The following STARD4 variants were observed in gnomAD, a reference collection of about 807,000 sequenced individuals.
The protein encoded by STARD4 is StAR related lipid transfer domain containing 4.
A neutral mutation model predicts 24.9 loss-of-function variants in STARD4; 33 were observed. The observed-to-expected ratio is 1.32, with a 90% confidence interval of 1.00 to 1.77. The LOEUF (loss-of-function observed/expected upper bound fraction) is 1.77, where lower values mean the gene tolerates loss of function less well. Ranked by LOEUF, STARD4 falls within the 40% of genes most tolerant of loss-of-function variation. The pLI is 0.00. For missense variants in STARD4, 238 were observed against 249.3 expected, an observed-to-expected ratio of 0.95 and a Z score of 0.31; for synonymous variants, 88 against 77.4, an observed-to-expected ratio of 1.14 and a Z score of -0.72.
At chr5:111,506,918 G>A (rs1394583583) in intron 2 of STARD4, among the ~76,000 whole-genome samples, 1 of 152,142 alleles carries the variant, frequency 6.6e-6, no homozygotes. Context: ...AGTCACCTAT[G>A]TAATAGTTTG....
chr5:111,500,915 T>C, intron 5 of STARD4, 87 bp downstream of exon 5: 2 of 1,608,238 alleles, frequency 1.2e-6, no homozygotes, highest in Non-Finnish European at 1.7e-6. Context: ...GTTGAAAATA[T>C]ATCTCACAAG....
chr5:111,505,243 C>A (rs574555441), intron 3 of STARD4, among the ~76,000 whole-genome samples: 24 of 152,330 alleles, frequency 1.6e-4, no homozygotes, highest in African/African-American at 5.8e-4. Context: ...ATTTTCAACC[C>A]TCACTGGGAA....
intron 5 of STARD4, 87 bp downstream of exon 5, chr5:111,500,915 T>A (rs1317968544): frequency 1.2e-6 from 2 of 1,608,120 alleles, no homozygotes; most frequent in Non-Finnish European, 1.7e-6. Flanking sequence ...GTTGAAAATA[T>A]ATCTCACAAG....
chr5:111,504,206 T>C (rs1298985344), intron 3 of STARD4, among the ~76,000 whole-genome samples: 1 of 152,186 alleles, frequency 6.6e-6, no homozygotes, highest in Non-Finnish European at 1.5e-5. Context: ...CAAAGAGATA[T>C]ATACCAAGAG....
chr5:111,499,876 A>ACTT lies in STARD4; in HGVS notation c.*9_*10insAAG. On this transcript the variant is annotated 3_prime_UTR_variant, in exon 6 of 6. Coordinates refer to ENST00000296632, the MANE Select transcript of STARD4 (RefSeq NM_139164.3). ...TCTGTAGTACTACAAGTTTGAATGT[A>ACTT]TTTTGCCTCTCATAAAGCTTTTCGT... 6.2e-7 allele frequency: 1 copy of ACTT among 1,611,716 alleles called. No homozygotes were observed. Among genetic ancestry groups the ACTT allele is most frequent in the Non-Finnish European group, 8.5e-7 (1 of 1,177,920 alleles).
chr5:111,511,963 C>T (rs1467023633), intron 1 of STARD4, among the ~76,000 whole-genome samples: 1 of 152,226 alleles, frequency 6.6e-6, no homozygotes, highest in Non-Finnish European at 1.5e-5. Flanking sequence ...TGGGACGCGG[C>T]TGCCCCTGCG....
At chr5:111,500,227 A>C (rs1163136449) in intron 5 of STARD4, 121 bp from the exon 6 acceptor site, 5 of 1,380,490 alleles carry the variant, frequency 3.6e-6, no homozygotes, top group Non-Finnish European at 4.7e-6. Context: ...ATGAAAATTA[A>C]ATCCCAAAGT....
Position 111,499,666 on chromosome 5 carries a change from GA to G in STARD4, c.*219del, listed in dbSNP as rs1342020550. 3 of 535,938 alleles carry G rather than the reference GA, an allele frequency of 5.6e-6. No homozygotes were observed. The African/African-American group carries it at 5.7e-5, about 10-fold the overall frequency. 33.2% of individuals were successfully genotyped at this position (535,938 alleles called of 1,614,324 possible). On this transcript the variant is annotated 3_prime_UTR_variant, in exon 6 of 6. Transcript: ENST00000296632. Reference sequence around the variant, plus strand: ...CCACTGCCCTCCAGCATGGGCAACAGAGTGAGAGCCTGTCTCAAAATTTAAA... The same window carrying G: ...CCACTGCCCTCCAGCATGGGCAACAGGTGAGAGCCTGTCTCAAAATTTAAA...
chr5:111,499,816 A>G lies in STARD4; in HGVS notation c.*70T>C, dbSNP rs755717274. The G allele has an allele frequency of 3.6e-6, 5 of 1,401,358 alleles. No individual in the cohort carries two copies. Among genetic ancestry groups the G allele is most frequent in the South Asian group, 2.5e-5 (2 of 78,588 alleles). The allele number at this position is 1,401,358 out of a possible 1,614,324, so 86.8% of individuals were successfully genotyped here. A position where few individuals can be genotyped will look rare whatever the true frequency, so the allele number is the denominator to read the frequency against. ...CCGGCTATGCAGAAAAGTGGAATCA[A>G]TGATTTTTACAGGCCATGTAGCTGA... On this transcript the variant is annotated 3_prime_UTR_variant, in exon 6 of 6. Coordinates refer to ENST00000296632, the MANE Select transcript of STARD4 (RefSeq NM_139164.3).
Position 111,500,077 on chromosome 5 carries a change from G to A in STARD4, c.427C>T (p.Pro143Ser), listed in dbSNP as rs377103774. The A allele has an allele frequency of 7.4e-6, 12 of 1,613,120 alleles. No homozygotes were observed. The highest frequency in any genetic ancestry group is 1.0e-5 in the Non-Finnish European group (12 of 1,179,420). ...GISLDWDEKR[P>S]EFVRGYNHPC... ...TGGTTATATCCTCGAACAAATTCTG[G>A]TCTCTTTTCATCCCAGTCAAGACTT... The change falls in exon 6 of 6, where the codon CCA (proline) becomes TCA (serine). Residue 143 changes from proline (P) to serine (S), a missense_variant. Coordinates refer to ENST00000296632, the MANE Select transcript of STARD4 (RefSeq NM_139164.3).
chr5:111,507,124 T>C lies in STARD4; in HGVS notation c.105+205A>G, dbSNP rs1204656860. 6.6e-6 allele frequency among the ~76,000 whole-genome samples: 1 copy of C among 152,200 alleles called. No homozygotes were observed. The highest frequency in any genetic ancestry group is 2.4e-5 in the African/African-American group (1 of 41,452). ...TTCTCTTGTCTAATATCCAAAGAGC[T>C]AATGAAAGCAGTATAGGATTACCAC... On this transcript the variant is annotated intron_variant, in intron 2 of 5. Transcript: ENST00000296632. The surrounding 1 kb of genome is among the most constrained non-coding windows in gnomAD (Gnocchi z 4.4).
chr5:111,496,319 GT>G lies in STARD4; in HGVS notation c.*3566del. The G allele has an allele frequency of 6.6e-6, 1 of 151,952 alleles. No individual in the cohort carries two copies. Among genetic ancestry groups the G allele is most frequent in the Admixed American group, 6.6e-5 (1 of 15,244 alleles). 9.4% of individuals were successfully genotyped at this position (151,952 alleles called of 1,614,324 possible). On this transcript the variant is annotated 3_prime_UTR_variant, in exon 6 of 6. Coordinates refer to ENST00000296632, the MANE Select transcript of STARD4 (RefSeq NM_139164.3). Reference sequence around the variant, plus strand: ...TCCTGTTTTTTGAAATTATTCTGATGTTTCTTCTACACTCAAGTCCCAACCT... The same window carrying G: ...TCCTGTTTTTTGAAATTATTCTGATGTTCTTCTACACTCAAGTCCCAACCT...
intron 3 of STARD4, among the ~76,000 whole-genome samples, chr5:111,504,355 A>C (rs976630641): frequency 2.6e-5 from 4 of 152,248 alleles, no homozygotes; most frequent in African/African-American, 9.6e-5. Flanking sequence ...ATATGACAAC[A>C]TGGCTAAATC....
chr5:111,506,259 C>A, intron 3 of STARD4, 71 bp downstream of exon 3: 7 of 463,416 alleles, frequency 1.5e-5, no homozygotes, highest in Non-Finnish European at 1.5e-5. Context: ...CTAGCAATGA[C>A]TACTTAGTGA....
chr5:111,500,183 ATTC>A lies in STARD4; in HGVS notation c.398-80_398-78del. On this transcript the variant is annotated intron_variant, in intron 5 of 5. Transcript: ENST00000296632. ...ACTCTCATTTTAAAATATTACCAGA[ATTC>A]TTATTTAAATATTTATTATTATCCA... is the stretch of plus-strand genomic sequence containing the variant. 3 of 1,412,782 alleles carry A rather than the reference ATTC, an allele frequency of 2.1e-6. No homozygotes were observed. The Admixed American group carries it at 8.5e-5, about 40-fold the overall frequency. The allele number at this position is 1,412,782 out of a possible 1,614,324, so 87.5% of individuals were successfully genotyped here. A position where few individuals can be genotyped will look rare whatever the true frequency, so the allele number is the denominator to read the frequency against.
In STARD4 at chr5:111,499,696, A is replaced by G. The variant is rs1561533209; in HGVS notation, c.*190T>C. On this transcript the variant is annotated 3_prime_UTR_variant, in exon 6 of 6. Coordinates refer to ENST00000296632, the MANE Select transcript of STARD4 (RefSeq NM_139164.3). ...AGAGCCTGTCTCAAAATTTAAAAAA[A>G]AAAAAGTGAAAATGCCCTCTCTTAG... is the stretch of plus-strand genomic sequence containing the variant. The G allele has an allele frequency of 1.7e-6, 1 of 594,770 alleles. No homozygotes were observed. The highest frequency in any genetic ancestry group is 2.9e-6 in the Non-Finnish European group (1 of 343,480). 36.8% of individuals were successfully genotyped at this position (594,770 alleles called of 1,614,324 possible).
rs542788609 is a variant in STARD4, at chr5:111,501,886, C to T, written c.282+76G>A. The T allele has an allele frequency of 2.7e-5, 43 of 1,574,050 alleles. No homozygotes were observed. In the South Asian group the frequency reaches 3.6e-4, roughly 13 times the overall value. ...ATATAAGTGTGTACAAATGCTCATG[C>T]TCACATGCTCTGGCTCACTCATGCC... On this transcript the variant is annotated intron_variant, in intron 4 of 5. Transcript: ENST00000296632.
At chr5:111,501,220 G>T in intron 4 of STARD4, 104 bp from the exon 5 acceptor site, 1 of 1,188,348 alleles carries the variant, frequency 8.4e-7, no homozygotes, top group Non-Finnish European at 1.1e-6. Flanking sequence ...TATTTAAAAT[G>T]TTTCATAATT....
At chr5:111,509,428 G>A (rs1757088746) in intron 1 of STARD4, among the ~76,000 whole-genome samples, 1 of 152,042 alleles carries the variant, frequency 6.6e-6, no homozygotes, top group South Asian at 2.1e-4. Flanking sequence ...CAACTTTAAG[G>A]TACTTGACTT....
Sources: gnomAD v4.1 joint callset for allele counts (sites outside exome capture counted in the v4.1 genomes callset) on GRCh38, gnomAD v4.1.1 for gene constraint, Gnocchi (gnomAD v3.1) non-coding constraint, MANE v1.5 for transcripts, NCBI Gene and HGNC (gene_info 2026-07-23, HGNC 2026-07-21) for gene names.